Variants in NRG1 observed in about 807,000 individuals in gnomAD.
NRG1 encodes the protein neuregulin 1, also known as pro-neuregulin-1, membrane-bound isoform.
Under a neutral mutation model 63.8 loss-of-function variants are expected in NRG1, and 18 were observed. The ratio of observed to expected loss-of-function variants is 0.28; its 90% CI spans 0.19 to 0.42. The LOEUF (loss-of-function observed/expected upper bound fraction) is 0.42. NRG1 is among the 10% of genes least tolerant of loss of function. NRG1 has a pLI of 1.00. For synonymous variants in NRG1, 302 were observed against 301.3 expected (o/e 1.00, Z -0.02); for missense variants, 762 against 814.7 (o/e 0.94, Z 0.79).
chr8:31,936,899 G>A (rs1319602336), intron 1 of NRG1, among the ~76,000 whole-genome samples: 2 of 152,116 alleles, frequency 1.3e-5, no homozygotes, highest in Non-Finnish European at 1.5e-5. Context: ...AATATAGTCA[G>A]CAAAGCTTAC....
At chr8:32,224,376 G>A (rs1285940180) in intron 1 of NRG1, among the ~76,000 whole-genome samples, 1 of 152,112 alleles carries the variant, frequency 6.6e-6, no homozygotes, top group African/African-American at 2.4e-5. Context: ...CATCCTCTTA[G>A]ACTGAATGCC....
intron 6 of NRG1, among the ~76,000 whole-genome samples, chr8:32,739,943 AATG>A (rs888484926): frequency 2.0e-5 from 3 of 152,148 alleles, no homozygotes; most frequent in African/African-American, 7.2e-5. Context: ...AGCAGGATGG[AATG>A]ATAATTACTG....
At chr8:31,755,186 G>C (rs1425216109) in intron 1 of NRG1, among the ~76,000 whole-genome samples, 2 of 152,106 alleles carry the variant, frequency 1.3e-5, no homozygotes, top group Admixed American at 6.6e-5. Flanking sequence ...GCACAGGGAA[G>C]AGTGACCTGT....
chr8:32,193,204 G>C (rs756839378), intron 1 of NRG1, among the ~76,000 whole-genome samples: 1 of 152,188 alleles, frequency 6.6e-6, no homozygotes, highest in Non-Finnish European at 1.5e-5. Flanking sequence ...TCCTTTATTT[G>C]TGGGTGTTAA....
At chr8:31,869,129 T>A (rs1829258444) in intron 1 of NRG1, among the ~76,000 whole-genome samples, 1 of 152,180 alleles carries the variant, frequency 6.6e-6, no homozygotes, top group African/African-American at 2.4e-5. Flanking sequence ...GTCTCATCAA[T>A]TTTGGGTCTC....
At chr8:31,648,412 G>A (rs970799725) in intron 1 of NRG1, among the ~76,000 whole-genome samples, 11 of 152,072 alleles carry the variant, frequency 7.2e-5, no homozygotes, top group Non-Finnish European at 1.3e-4. Context: ...GATTACAGGC[G>A]TGAGCCACCG....
At chr8:31,887,439 G>A (rs1431650337) in intron 1 of NRG1, among the ~76,000 whole-genome samples, 1 of 152,032 alleles carries the variant, frequency 6.6e-6, no homozygotes, top group Non-Finnish European at 1.5e-5. Flanking sequence ...CACAGATTTA[G>A]GGGTGGTGTG....
rs112147238 is a variant in NRG1 at position 32,188,680 on chromosome 8, T to G, written c.38-407148T>G. ...AATGGTTAAAGAAATGTCGCTGGTA[T>G]CAGAGACAAGAGGAGGAGGCCGTGT... is the stretch of plus-strand genomic sequence containing the variant. On this transcript the variant is annotated intron_variant, in intron 1 of 10. Transcript: ENST00000519301. 7.2e-3 allele frequency among the ~76,000 whole-genome samples: 1,099 copies of G among 152,158 alleles called. 25 individuals carry two copies. Among genetic ancestry groups the G allele is most frequent in the African/African-American group, 0.025 (1,019 of 41,494 alleles).
At chr8:32,505,128 A>G (rs966068769) in intron 1 of NRG1, among the ~76,000 whole-genome samples, 1 of 152,048 alleles carries the variant, frequency 6.6e-6, no homozygotes, top group African/African-American at 2.4e-5. Flanking sequence ...GTTATTATCA[A>G]TTGTTATTTT....
At chr8:31,744,119 T>G (rs2131417127) in intron 1 of NRG1, among the ~76,000 whole-genome samples, 1 of 152,092 alleles carries the variant, frequency 6.6e-6, no homozygotes, top group East Asian at 1.9e-4. Flanking sequence ...GTAATACACA[T>G]GTACAGGTGT....
chr8:31,697,160 T>C (rs1266801261), intron 1 of NRG1, among the ~76,000 whole-genome samples: 1 of 152,190 alleles, frequency 6.6e-6, no homozygotes, highest in Non-Finnish European at 1.5e-5. Context: ...ATTTAAGGTG[T>C]TCTGAAATAG....
intron 1 of NRG1, among the ~76,000 whole-genome samples, chr8:31,716,621 C>T (rs955756330): frequency 3.9e-5 from 6 of 152,330 alleles, no homozygotes; most frequent in African/African-American, 1.4e-4. Flanking sequence ...ATCTTAATAA[C>T]ATATATTACC....
At chr8:31,857,613 C>G (rs371879797) in intron 1 of NRG1, among the ~76,000 whole-genome samples, 11 of 152,332 alleles carry the variant, frequency 7.2e-5, no homozygotes, top group African/African-American at 2.6e-4. Context: ...AGAGCTGTTC[C>G]TATTCGGCCA....
intron 1 of NRG1, among the ~76,000 whole-genome samples, chr8:32,299,173 T>C (rs1855301821): frequency 6.6e-6 from 1 of 152,110 alleles, no homozygotes; most frequent in Admixed American, 6.6e-5. Context: ...TACAAACTAG[T>C]CTTCCATGGT....
intron 1 of NRG1, among the ~76,000 whole-genome samples, chr8:32,133,818 T>G (rs1031665588): frequency 2.0e-5 from 3 of 152,190 alleles, no homozygotes; most frequent in Non-Finnish European, 2.9e-5. Flanking sequence ...GTAGACTAGA[T>G]ATCTTCAAAT....
chr8:32,548,746 G>A, exon 1 of NRG1: 1 of 1,588,536 alleles, frequency 6.3e-7, no homozygotes. Flanking sequence ...CGCAAAGAAG[G>A]CAGAGGCAAA....
intron 1 of NRG1, among the ~76,000 whole-genome samples, chr8:32,137,555 A>G (rs549327271): frequency 5.9e-5 from 9 of 152,348 alleles, no homozygotes; most frequent in Non-Finnish European, 1.3e-4. Flanking sequence ...GCACAATTGC[A>G]TGCATATGTC....
At chr8:32,595,620 T>G (rs1843217804) in intron 1 of NRG1, among the ~76,000 whole-genome samples, 2 of 152,346 alleles carry the variant, frequency 1.3e-5, no homozygotes, top group Non-Finnish European at 2.9e-5. Context: ...TAATCTTGGT[T>G]CTCTGCTTCT....
chr8:32,302,050 G>A (rs1391289439), intron 1 of NRG1, among the ~76,000 whole-genome samples: 1 of 152,102 alleles, frequency 6.6e-6, no homozygotes, highest in Admixed American at 6.5e-5. Flanking sequence ...GTCTAATTTA[G>A]CATTTGTCCT....
Sources: allele counts gnomAD v4.1 joint callset (sites outside exome capture counted in the v4.1 genomes callset), GRCh38; gene constraint gnomAD v4.1.1; transcripts MANE v1.5; gene names NCBI Gene and HGNC (gene_info 2026-07-23, HGNC 2026-07-21).